Variants in SLC35D1 observed in about 807,000 individuals in gnomAD.
SLC35D1 encodes the protein nucleotide sugar transporter SLC35D1.
In SLC35D1, 31 loss-of-function variants were observed where a neutral mutation model predicts 46.7. The ratio of observed to expected loss-of-function variants is 0.66; its 90% CI spans 0.50 to 0.90. The LOEUF (loss-of-function observed/expected upper bound fraction) is 0.90, where lower values mean the gene tolerates loss of function less well. SLC35D1 is among the 40% of genes least tolerant of loss of function. The pLI is 0.00. For missense variants in SLC35D1, 397 were observed against 426.2 expected, an observed-to-expected ratio of 0.93 and a Z score of 0.60; for synonymous variants, 195 against 164.6, an observed-to-expected ratio of 1.18 and a Z score of -1.41.
chr1:67,050,580 T>G, intron 4 of SLC35D1, 76 bp from the exon 5 acceptor site: 1 of 1,134,590 alleles, frequency 8.8e-7, no homozygotes, highest in Non-Finnish European at 1.3e-6. Flanking sequence ...AAATTGGTAG[T>G]TAAAATAATG....
chr1:66,984,142 C>T, the SLC35D1 span, among the ~76,000 whole-genome samples: 3 of 152,222 alleles, frequency 2.0e-5, no homozygotes, highest in South Asian at 2.1e-4. Flanking sequence ...ATTCATCTTG[C>T]TTTTACGTGG....
At chr1:67,019,342 A>G (rs1667751293) in intron 10 of SLC35D1, among the ~76,000 whole-genome samples, 1 of 152,214 alleles carries the variant, frequency 6.6e-6, no homozygotes. Context: ...AAACTGTCTC[A>G]GCCAGCCCAA....
At chr1:67,026,910 C>T (rs971524049) in intron 8 of SLC35D1, among the ~76,000 whole-genome samples, 1 of 152,070 alleles carries the variant, frequency 6.6e-6, no homozygotes, top group African/African-American at 2.4e-5. Flanking sequence ...CATCAGATCT[C>T]GTAAGAACTC....
chr1:66,996,512 G>C (rs369977593), downstream of SLC35D1, among the ~76,000 whole-genome samples: 12 of 152,318 alleles, frequency 7.9e-5, no homozygotes, highest in Admixed American at 2.0e-4. Context: ...GACCACACCG[G>C]GCAAGTGTGC....
chr1:67,054,033 G>C lies in SLC35D1; in HGVS notation c.-20C>G. The C allele has an allele frequency of 6.2e-7, 1 of 1,603,784 alleles. No homozygotes were observed. The highest frequency in any genetic ancestry group is 8.5e-7 in the Non-Finnish European group (1 of 1,175,454). The stretch of plus-strand genomic sequence containing the variant: ...CGCCATGGCTGCCGCAGCAGCGGTG[G>C]CCTGGCGGCGGGGCCTAGCGGCTCG... On this transcript the variant is annotated 5_prime_UTR_variant, in exon 1 of 12. Transcript: ENST00000235345.
At chr1:66,992,425 G>C in the SLC35D1 span, among the ~76,000 whole-genome samples, 1 of 152,184 alleles carries the variant, frequency 6.6e-6, no homozygotes, top group African/African-American at 2.4e-5. Context: ...AAATGAAGCC[G>C]GTGAGTGAGA....
intron 1 of SLC35D1, 102 bp downstream of exon 1, chr1:67,053,709 T>C (rs1172025938): frequency 2.6e-6 from 3 of 1,170,828 alleles, no homozygotes; most frequent in African/African-American, 3.3e-5. Flanking sequence ...CCAACTTTGT[T>C]CGGCTTTAAC....
At position 67,033,910 on chromosome 1, in the gene SLC35D1, G is replaced by A. The variant is rs181832254; in HGVS notation, c.729+8326C>T. ...CGTCATTTTTTGCATATGTACACCCGGCTTTCCCTGAACCATACACTGAAG... is the reference window on the plus strand; with the variant it reads ...CGTCATTTTTTGCATATGTACACCCAGCTTTCCCTGAACCATACACTGAAG... On this transcript the variant is annotated intron_variant, in intron 8 of 11. Transcript: ENST00000235345. Among the ~76,000 whole-genome samples the A allele has an allele frequency of 1.3e-3, 202 of 152,216 alleles. 1 individual carries two copies. The highest frequency in any genetic ancestry group is 4.5e-3 in the Admixed American group (69 of 15,288).
At chr1:67,027,370 G>A (rs941770155) in intron 8 of SLC35D1, among the ~76,000 whole-genome samples, 9 of 151,710 alleles carry the variant, frequency 5.9e-5, no homozygotes, top group Non-Finnish European at 2.9e-5. Context: ...TCATTGCATT[G>A]ATTTCTATTC....
At chr1:67,034,361 T>C (rs976591424) in intron 8 of SLC35D1, among the ~76,000 whole-genome samples, 2 of 152,240 alleles carry the variant, frequency 1.3e-5, no homozygotes, top group Non-Finnish European at 2.9e-5. Context: ...TCCTTTTCAA[T>C]TTCTTGCATC....
intron 8 of SLC35D1, among the ~76,000 whole-genome samples, chr1:67,033,498 G>A (rs1668059743): frequency 6.6e-6 from 1 of 152,044 alleles, no homozygotes; most frequent in Non-Finnish European, 1.5e-5. Context: ...AGCACTTTTT[G>A]TATATGACTG....
the SLC35D1 span, among the ~76,000 whole-genome samples, chr1:66,976,945 T>C: frequency 6.6e-6 from 1 of 152,330 alleles, no homozygotes; most frequent in Admixed American, 6.5e-5. Context: ...TTATGAAATA[T>C]TGTAAACTAC....
At chr1:66,998,240 A>T (rs1378096688), downstream of SLC35D1, among the ~76,000 whole-genome samples, 1 of 152,138 alleles carries the variant, frequency 6.6e-6, no homozygotes, top group Non-Finnish European at 1.5e-5. Flanking sequence ...TGTAATTCCA[A>T]CACTTTGGGA....
intron 4 of SLC35D1, 31 bp from the exon 5 acceptor site, chr1:67,050,535 A>G: frequency 1.3e-6 from 2 of 1,561,038 alleles, no homozygotes; most frequent in South Asian, 1.1e-5. Context: ...TAGGTAAAAT[A>G]GAATTTAACA....
chr1:67,051,984 C>G, intron 4 of SLC35D1, 28 bp downstream of exon 4: 1 of 1,423,562 alleles, frequency 7.0e-7, no homozygotes, highest in Non-Finnish European at 9.9e-7. Context: ...TTATATTAAC[C>G]TCACTAGTAA....
At chr1:67,026,985 C>T (rs1308546564) in intron 8 of SLC35D1, among the ~76,000 whole-genome samples, 2 of 152,114 alleles carry the variant, frequency 1.3e-5, no homozygotes, top group African/African-American at 4.8e-5. Context: ...CTGGTCCCTC[C>T]CACGACACAT....
At chr1:66,995,433 T>TAAAAAAAAAGAAAAAAAAAAAAA (rs1667228205), downstream of SLC35D1, among the ~76,000 whole-genome samples, 1 of 35,758 alleles carries the variant, frequency 2.8e-5, no homozygotes. Context: ...CCTGCTACGC[T>TAAAAAAAAAGAAAAAAAAAAAAA]AAAAAAAAAA....
At chr1:67,010,321 AC>A in intron 10 of SLC35D1, among the ~76,000 whole-genome samples, 1 of 152,202 alleles carries the variant, frequency 6.6e-6, no homozygotes. Context: ...CTGCACATGC[AC>A]CCCCAGAACC....
intron 10 of SLC35D1, among the ~76,000 whole-genome samples, chr1:67,014,771 AT>A (rs1192464869): frequency 2.0e-5 from 3 of 147,374 alleles, no homozygotes; most frequent in East Asian, 4.0e-4. Flanking sequence ...CTTCTATAAT[AT>A]TTTTAATGCT....
Sources: allele counts gnomAD v4.1 joint callset (sites outside exome capture counted in the v4.1 genomes callset), GRCh38; gene constraint gnomAD v4.1.1; transcripts MANE v1.5; gene names NCBI Gene and HGNC (gene_info 2026-07-23, HGNC 2026-07-21).